The following TDRKH variants were observed in gnomAD, a reference collection of about 807,000 sequenced individuals.
TDRKH encodes the protein tudor and KH domain-containing protein.
In TDRKH, 28 loss-of-function variants were observed where a neutral mutation model predicts 61.3. The ratio of observed to expected loss-of-function variants is 0.46; its 90% CI spans 0.34 to 0.63. TDRKH has a LOEUF of 0.63. Ranked by LOEUF, TDRKH falls within the 20% of genes least tolerant of loss-of-function variation. The pLI is 0.01. For synonymous variants in TDRKH, 219 were observed against 244.4 expected (o/e 0.90, Z 0.97); for missense variants, 540 against 683.4 (o/e 0.79, Z 2.34).
In TDRKH at chr1:151,778,793, C is replaced by A; in HGVS notation, c.775G>T (p.Gly259Cys). 1 of 1,614,218 alleles carries A rather than the reference C, an allele frequency of 6.2e-7. No homozygotes were observed. The highest frequency in any genetic ancestry group is 8.5e-7 in the Non-Finnish European group (1 of 1,180,046). Reference sequence around the variant, plus strand: ...TTTGACACTACCACAGCCATGTCGCCTCCTCCTTTGGGTGGAGGAGTCACC... The same window carrying A: ...TTTGACACTACCACAGCCATGTCGCATCCTCCTTTGGGTGGAGGAGTCACC... ...PLVTPPPKGGGDMAVVVSKEG... is the reference protein window; with the variant it reads ...PLVTPPPKGGCDMAVVVSKEG... Residue 259 changes from glycine (G) to cysteine (C), a missense_variant, in exon 6 of 13, where the codon GGC becomes TGC. This residue lies in a region of TDRKH where 379 missense variants were observed against 443.8 expected (regional missense o/e 0.85). Coordinates refer to ENST00000368824, the MANE Select transcript of TDRKH (RefSeq NM_001083965.2).
At chr1:151,772,557 T>G (rs886971220), downstream of TDRKH, among the ~76,000 whole-genome samples, 4 of 152,304 alleles carry the variant, frequency 2.6e-5, no homozygotes, top group African/African-American at 9.6e-5. Context: ...TTTATCTTGC[T>G]TTATCCTTAA....
downstream of TDRKH, among the ~76,000 whole-genome samples, chr1:151,772,849 TACTC>T (rs1277701933): frequency 6.6e-6 from 1 of 152,172 alleles, no homozygotes; most frequent in Non-Finnish European, 1.5e-5. Flanking sequence ...GGTGGGGTCT[TACTC>T]ACACAGCCTA....
At chr1:151,783,457 C>T (rs1031507800) in intron 1 of TDRKH, among the ~76,000 whole-genome samples, 1 of 152,222 alleles carries the variant, frequency 6.6e-6, no homozygotes, top group African/African-American at 2.4e-5. Flanking sequence ...AAAGGCCTTA[C>T]TATTTATCTT....
intron 3 of TDRKH, among the ~76,000 whole-genome samples, chr1:151,780,393 T>C (rs1649638693): frequency 6.6e-6 from 1 of 152,224 alleles, no homozygotes; most frequent in Non-Finnish European, 1.5e-5. Context: ...CCCATTTATC[T>C]TTGTGTTTAG....
chr1:151,776,148 C>T lies in TDRKH; in HGVS notation c.1165G>A (p.Val389Ile), dbSNP rs1649151039. The T allele has an allele frequency of 6.2e-7, 1 of 1,614,112 alleles. No individual in the cohort carries two copies. Among genetic ancestry groups the T allele is most frequent in the African/African-American group, 1.3e-5 (1 of 75,018 alleles). The change falls in exon 8 of 13, where the codon GTT becomes ATT. Residue 389 changes from valine to isoleucine, a missense_variant. Transcript: ENST00000368824. The stretch of plus-strand genomic sequence containing the variant: ...CAATCTCCATTATCTCCAAAGTCAA[C>T]AAAATAGAGGTCCAAGTTCCCATTC... The part of the protein sequence containing the change: ...LENGNLDLYF[V>I]DFGDNGDCPL...
intron 5 of TDRKH, 31 bp downstream of exon 5, chr1:151,779,072 C>T: frequency 6.2e-7 from 1 of 1,613,078 alleles, no homozygotes. Flanking sequence ...TTCTCATGCT[C>T]AGGTATAATT....
chr1:151,776,046 A>G, intron 8 of TDRKH, 50 bp downstream of exon 8: 1 of 1,588,022 alleles, frequency 6.3e-7, no homozygotes, highest in South Asian at 1.1e-5. Context: ...TCACCACCCT[A>G]TGGCCAGAAC....
downstream of TDRKH, among the ~76,000 whole-genome samples, chr1:151,770,890 G>A (rs1300706274): frequency 6.6e-6 from 1 of 152,196 alleles, no homozygotes; most frequent in Admixed American, 6.5e-5. Context: ...AAGTTCTGCA[G>A]GACTAACTCA....
At chr1:151,787,576 T>G (rs1650441392) in intron 1 of TDRKH, among the ~76,000 whole-genome samples, 1 of 152,074 alleles carries the variant, frequency 6.6e-6, no homozygotes, top group African/African-American at 2.4e-5. Context: ...TAATGCATCT[T>G]GGTTAAATAG....
At chr1:151,773,403 C>A (rs1026873761), downstream of TDRKH, 1 of 152,606 alleles carries the variant, frequency 6.6e-6, no homozygotes, top group South Asian at 2.1e-4. Flanking sequence ...TAGATGTGAT[C>A]CTTTCTGTGA....
downstream of TDRKH, chr1:151,771,511 T>C (rs2101567161): frequency 2.2e-6 from 1 of 463,190 alleles, no homozygotes; most frequent in East Asian, 4.4e-5. Flanking sequence ...CCATTTATTC[T>C]AACCATTTAC....
At position 151,776,547 on chromosome 1, in the gene TDRKH, A is replaced by C. The variant is rs896388820; in HGVS notation, c.936T>G (p.Val312=). ...FHADEYLEVY[V]SASEHPNHFW... ...AGTGGTTAGGGTGCTCAGAAGCAGA[A>C]ACGTAGACTTCTAGGTACTCATCAG... The change falls in exon 7 of 13, where the codon GTT becomes GTG. Residue 312 remains valine, a synonymous_variant. Coordinates refer to ENST00000368824, the MANE Select transcript of TDRKH (RefSeq NM_001083965.2). 14 of 1,614,036 alleles carry C rather than the reference A, an allele frequency of 8.7e-6. No individual in the cohort carries two copies. In the African/African-American group the frequency reaches 1.6e-4, roughly 18 times the overall value.
intron 1 of TDRKH, among the ~76,000 whole-genome samples, chr1:151,784,544 C>A (rs1414010790): frequency 6.7e-6 from 1 of 149,172 alleles, no homozygotes; most frequent in Non-Finnish European, 1.5e-5. Flanking sequence ...GTATTTGGCA[C>A]AGCTGATGAT....
chr1:151,766,648 C>T (rs1648367336), downstream of TDRKH: 3 of 1,537,462 alleles, frequency 2.0e-6, no homozygotes, highest in Admixed American at 2.0e-5. Flanking sequence ...GGTCACAATG[C>T]CACCAGGTTG....
chr1:151,781,357 C>G (rs1649797611), intron 3 of TDRKH, 124 bp downstream of exon 3: 1 of 309,166 alleles, frequency 3.2e-6, no homozygotes, highest in Non-Finnish European at 6.4e-6. Flanking sequence ...TATATATACA[C>G]ACACACATAC....
chr1:151,783,200 T>C (rs1309123123), intron 1 of TDRKH, 151 bp from the exon 2 acceptor site: 1 of 564,224 alleles, frequency 1.8e-6, no homozygotes, highest in Middle Eastern at 5.3e-4. Context: ...TTATTTCATA[T>C]AAAAAGGGCT....
chr1:151,766,797 T>C (rs1468935583), downstream of TDRKH: 3 of 1,594,444 alleles, frequency 1.9e-6, no homozygotes, highest in East Asian at 2.3e-5. Flanking sequence ...TAACTACCTC[T>C]ACCCGATCTG....
chr1:151,775,887 G>C lies in TDRKH; in HGVS notation c.1218-3C>G. On this transcript the variant is annotated splice_region_variant and splice_polypyrimidine_tract_variant and intron_variant, in intron 8 of 12. Transcript: ENST00000368824. ...ATGGAAGGCTTAGGAAGTCACTCCT[G>C]AAGTAAAAGAAACTAAAATTAGAAT... 2 of 1,610,844 alleles carry C rather than the reference G, an allele frequency of 1.2e-6. No homozygotes were observed. The highest frequency in any genetic ancestry group is 2.2e-5 in the South Asian group (2 of 91,028).
chr1:151,767,940 C>T, downstream of TDRKH: 1 of 1,301,304 alleles, frequency 7.7e-7, no homozygotes, highest in South Asian at 1.5e-5. Context: ...TCTTTAAGAT[C>T]TTGGCTCCAA....
Sources: allele counts gnomAD v4.1 joint callset (sites outside exome capture counted in the v4.1 genomes callset), GRCh38; gene constraint gnomAD v4.1.1; regional missense constraint gnomAD v4.1.1; transcripts MANE v1.5; gene names NCBI Gene and HGNC (gene_info 2026-07-23, HGNC 2026-07-21).